The following PLCB1 variants were observed in gnomAD, a reference collection of about 807,000 sequenced individuals.
PLCB1 encodes the protein 1-phosphatidylinositol 4,5-bisphosphate phosphodiesterase beta-1.
Under a neutral mutation model 161.8 loss-of-function variants are expected in PLCB1, and 46 were observed. The observed-to-expected ratio is 0.28, with a 90% CI of 0.22 to 0.36. The LOEUF (loss-of-function observed/expected upper bound fraction) is 0.36. Ranked by LOEUF, PLCB1 falls within the 10% of genes least tolerant of loss-of-function variation. PLCB1 has a pLI of 1.00. For synonymous variants in PLCB1, 517 were observed against 503.7 expected, an observed-to-expected ratio of 1.03 and a Z score of -0.35; for missense variants, 1,016 against 1,472.5, an observed-to-expected ratio of 0.69 and a Z score of 5.07.
chr20:8,417,316 G>A (rs1979343922), intron 3 of PLCB1, among the ~76,000 whole-genome samples: 1 of 149,600 alleles, frequency 6.7e-6, no homozygotes, highest in Non-Finnish European at 1.5e-5. Flanking sequence ...TTTTGTCTCT[G>A]GTGTGTGTAT....
intron 3 of PLCB1, among the ~76,000 whole-genome samples, chr20:8,503,303 C>T (rs920127108): frequency 2.6e-5 from 4 of 152,188 alleles, no homozygotes; most frequent in African/African-American, 7.2e-5. Context: ...CTGATGGCTT[C>T]TTGGACTGCC....
At chr20:8,539,430 A>G (rs970154890) in intron 3 of PLCB1, among the ~76,000 whole-genome samples, 1 of 152,186 alleles carries the variant, frequency 6.6e-6, no homozygotes, top group Non-Finnish European at 1.5e-5. Flanking sequence ...CCCAATGGAC[A>G]TATATTTAGC....
At chr20:8,831,494 A>G (rs1175277103) in intron 31 of PLCB1, 3 of 152,252 alleles carry the variant, frequency 2.0e-5, no homozygotes, top group Non-Finnish European at 2.9e-5. Flanking sequence ...TTAAAGAAAT[A>G]GTGGAGTCCA....
At chr20:8,668,103 G>GACAAA (rs1212611044) in intron 9 of PLCB1, among the ~76,000 whole-genome samples, 2 of 151,164 alleles carry the variant, frequency 1.3e-5, no homozygotes, top group Non-Finnish European at 2.9e-5. Flanking sequence ...TAGTCAATGT[G>GACAAA]ATACAACAGA....
chr20:8,811,115 C>T (rs773431472), intron 31 of PLCB1, among the ~76,000 whole-genome samples: 78 of 152,088 alleles, frequency 5.1e-4, no homozygotes, highest in Non-Finnish European at 9.6e-4. Flanking sequence ...GGGCATGATC[C>T]CCAGTGTCTA....
chr20:8,581,741 C>T (rs764443), intron 3 of PLCB1, among the ~76,000 whole-genome samples: 93,450 of 151,894 alleles, frequency 0.62, 30,858 homozygotes, highest in African/African-American at 0.87. Context: ...TCATCCTAAG[C>T]CTGCTATACC....
In PLCB1 at chr20:8,789,593, G is replaced by T. The variant is rs760666448; in HGVS notation, c.3336+18G>T. ...TCAAGAGGGTATGTGGGCTCATCAC[G>T]CTCTCTCCTTTGCAAAACATGTGTG... On this transcript the variant is annotated intron_variant, in intron 30 of 31. Transcript: ENST00000338037. The T allele has an allele frequency of 1.3e-6, 2 of 1,578,442 alleles. No individual in the cohort carries two copies. Among genetic ancestry groups the T allele is most frequent in the African/African-American group, 2.7e-5 (2 of 74,344 alleles).
intron 3 of PLCB1, among the ~76,000 whole-genome samples, chr20:8,511,103 GAA>G (rs1983869323): frequency 6.6e-6 from 1 of 152,110 alleles, no homozygotes; most frequent in Non-Finnish European, 1.5e-5. Flanking sequence ...CTGTCTAACT[GAA>G]ACTTTGTACC....
chr20:8,697,816 C>A, intron 11 of PLCB1, 33 bp downstream of exon 11: 1 of 1,597,246 alleles, frequency 6.3e-7, no homozygotes, highest in Non-Finnish European at 8.6e-7. Flanking sequence ...AGAGAGGCAG[C>A]TGGAGACACC....
In PLCB1 at chr20:8,729,242, A is replaced by G. The variant is rs549361008; in HGVS notation, c.1888+68A>G. 7.5e-5 allele frequency: 104 copies of G among 1,383,336 alleles called. No individual in the cohort carries two copies. The Admixed American group carries it at 2.0e-3, about 26-fold the overall frequency. The allele number at this position is 1,383,336 out of a possible 1,614,324, so 85.7% of individuals were successfully genotyped here. On this transcript the variant is annotated intron_variant, in intron 18 of 31. Transcript: ENST00000338037. ...CCAAGTGTCCAAAAACCATTCTTACATAATTGGGGGAGAGAAAATTGCCAG... is the reference window on the plus strand; with the variant it reads ...CCAAGTGTCCAAAAACCATTCTTACGTAATTGGGGGAGAGAAAATTGCCAG...
intron 3 of PLCB1, among the ~76,000 whole-genome samples, chr20:8,492,685 A>G (rs922099402): frequency 2.0e-5 from 3 of 152,120 alleles, no homozygotes; most frequent in Non-Finnish European, 4.4e-5. Context: ...TAATGTAAAC[A>G]TAAGTCAGGA....
Position 8,882,213 on chromosome 20 carries a change from T to G in PLCB1, c.*364T>G, listed in dbSNP as rs1348033413. ...ATTCGAAGCTCTGGTGTAAAATATT[T>G]CAAAGTCATAGAAATAGTTTGAGAA... is the stretch of plus-strand genomic sequence containing the variant. On this transcript the variant is annotated 3_prime_UTR_variant, in exon 32 of 32. Coordinates refer to ENST00000338037, the MANE Select transcript of PLCB1 (RefSeq NM_015192.4). The G allele has an allele frequency of 4.6e-6, 1 of 218,026 alleles. No individual in the cohort carries two copies. The highest frequency in any genetic ancestry group is 2.3e-5 in the African/African-American group (1 of 43,472). The allele number at this position is 218,026 out of a possible 1,614,324, so 13.5% of individuals were successfully genotyped here. A position where few individuals can be genotyped will look rare whatever the true frequency, so the allele number is the denominator to read the frequency against.
intron 31 of PLCB1, among the ~76,000 whole-genome samples, chr20:8,791,383 A>G (rs576691070): frequency 2.2e-4 from 34 of 152,272 alleles, no homozygotes; most frequent in African/African-American, 8.2e-4. Context: ...ATACTTTCCA[A>G]TCAGAATTGA....
intron 31 of PLCB1, among the ~76,000 whole-genome samples, chr20:8,806,156 A>G (rs1457092507): frequency 6.6e-6 from 1 of 152,140 alleles, no homozygotes. Flanking sequence ...TCTGAGGACT[A>G]GATTTTAGAA....
intron 3 of PLCB1, among the ~76,000 whole-genome samples, chr20:8,543,550 T>A (rs1316139022): frequency 1.3e-5 from 2 of 150,732 alleles, no homozygotes; most frequent in African/African-American, 4.9e-5. Flanking sequence ...TATATATTTG[T>A]CAAAACTCAT....
chr20:8,303,560 A>G (rs1984001071), intron 2 of PLCB1, among the ~76,000 whole-genome samples: 1 of 152,204 alleles, frequency 6.6e-6, no homozygotes, highest in South Asian at 2.1e-4. Flanking sequence ...TAAAAGGATT[A>G]CAGAAGCACA....
At chr20:8,838,194 C>G (rs1406778923) in intron 31 of PLCB1, among the ~76,000 whole-genome samples, 1 of 152,194 alleles carries the variant, frequency 6.6e-6, no homozygotes, top group African/African-American at 2.4e-5. Context: ...GAGGCTGAGT[C>G]TCTTTGAGGA....
At chr20:8,750,866 C>T (rs1981424941) in intron 23 of PLCB1, 1 of 1,364,994 alleles carries the variant, frequency 7.3e-7, no homozygotes. Context: ...AACTGATGGC[C>T]TTACCTCTTA....
chr20:8,453,145 T>C (rs963258192), intron 3 of PLCB1, among the ~76,000 whole-genome samples: 1 of 152,214 alleles, frequency 6.6e-6, no homozygotes, highest in African/African-American at 2.4e-5. Flanking sequence ...CCTAACATGC[T>C]CATTCCAAAA....
Sources: allele counts gnomAD v4.1 joint callset (sites outside exome capture counted in the v4.1 genomes callset), GRCh38; gene constraint gnomAD v4.1.1; transcripts MANE v1.5; gene names NCBI Gene and HGNC (gene_info 2026-07-23, HGNC 2026-07-21).